NDST4: variants seen among roughly 807,000 people sequenced by gnomAD.
The protein encoded by NDST4 is N-heparan sulfate sulfotransferase 4.
Under a neutral mutation model 100.8 loss-of-function variants are expected in NDST4, and 63 were observed. The observed-to-expected ratio is 0.62, with a 90% confidence interval of 0.51 to 0.77. The LOEUF (loss-of-function observed/expected upper bound fraction) is 0.77. Ranked by LOEUF, NDST4 falls within the 30% of genes least tolerant of loss-of-function variation. NDST4 has a pLI of 0.00. For missense variants in NDST4, 943 were observed against 1,018.4 expected (o/e 0.93, Z 1.01); for synonymous variants, 377 against 361.8 (o/e 1.04, Z -0.48).
At chr4:114,874,917 C>T (rs1724226495) in intron 6 of NDST4, among the ~76,000 whole-genome samples, 1 of 152,028 alleles carries the variant, frequency 6.6e-6, no homozygotes, top group Admixed American at 6.6e-5. Flanking sequence ...CAACAGTGTA[C>T]TCCCAAAAGT....
chr4:114,988,549 G>A (rs1352906092), intron 2 of NDST4, among the ~76,000 whole-genome samples: 2 of 151,414 alleles, frequency 1.3e-5, no homozygotes, highest in Admixed American at 1.3e-4. Flanking sequence ...TTTTAGTAGA[G>A]ATGGGGTTTC....
chr4:114,981,802 T>C (rs1387674275), intron 2 of NDST4, among the ~76,000 whole-genome samples: 3 of 152,206 alleles, frequency 2.0e-5, no homozygotes, highest in Non-Finnish European at 2.9e-5. Context: ...TAATAAGTCA[T>C]GTGCATATTC....
chr4:114,995,320 T>C (rs945673599), intron 2 of NDST4, among the ~76,000 whole-genome samples: 6 of 152,090 alleles, frequency 3.9e-5, no homozygotes, highest in South Asian at 2.1e-4. Context: ...ATATTCTTAT[T>C]TGAATTAAGA....
In NDST4 at chr4:115,074,954, T is replaced by G. The variant is rs560880570; in HGVS notation, c.978+1105A>C. Among the ~76,000 whole-genome samples, 11 of 152,264 alleles carry G rather than the reference T, an allele frequency of 7.2e-5. No homozygotes were observed. The East Asian group carries it at 1.4e-3, about 19-fold the overall frequency. On this transcript the variant is annotated intron_variant, in intron 2 of 13. Coordinates refer to ENST00000264363, the MANE Select transcript of NDST4 (RefSeq NM_022569.3). ...ATACATAGGATGAGACAGTCACAAG[T>G]AAAAGATCAGGTGAGAGTACTGCAT...
chr4:114,971,469 T>TA (rs932055002), intron 3 of NDST4, among the ~76,000 whole-genome samples: 4 of 152,092 alleles, frequency 2.6e-5, no homozygotes, highest in Admixed American at 6.5e-5. Flanking sequence ...AATGAAATGA[T>TA]AGAGTTTTCG....
chr4:114,857,081 C>T (rs893668166), intron 7 of NDST4, among the ~76,000 whole-genome samples: 1 of 152,106 alleles, frequency 6.6e-6, no homozygotes, highest in Admixed American at 6.6e-5. Context: ...GCTTTATATG[C>T]TGGAAGATTC....
At chr4:114,852,580 G>A in intron 8 of NDST4, 145 bp downstream of exon 8, 2 of 560,806 alleles carry the variant, frequency 3.6e-6, no homozygotes, top group South Asian at 4.9e-5. Context: ...GCGAATCATG[G>A]AGATGACAAG....
intron 4 of NDST4, among the ~76,000 whole-genome samples, chr4:114,953,079 A>G (rs1726058125): frequency 7.0e-6 from 1 of 143,848 alleles, no homozygotes; most frequent in Non-Finnish European, 1.5e-5. Flanking sequence ...CCCAGAGACC[A>G]TCAGCTCTTA....
chr4:114,961,816 G>C (rs1045245637), intron 4 of NDST4, among the ~76,000 whole-genome samples: 2 of 151,968 alleles, frequency 1.3e-5, no homozygotes, highest in Non-Finnish European at 2.9e-5. Context: ...GAAGAGCAAA[G>C]AATATTTCTC....
intron 12 of NDST4, among the ~76,000 whole-genome samples, chr4:114,830,895 G>T (rs940472930): frequency 2.6e-5 from 4 of 152,140 alleles, no homozygotes; most frequent in African/African-American, 9.7e-5. Context: ...ATTCATTTAG[G>T]GGGAGAGGGA....
chr4:114,830,726 C>T (rs1052224183), intron 12 of NDST4, among the ~76,000 whole-genome samples: 5 of 152,178 alleles, frequency 3.3e-5, no homozygotes, highest in African/African-American at 1.2e-4. Flanking sequence ...ATGCATAAAA[C>T]ATCGAAAAGG....
intron 6 of NDST4, among the ~76,000 whole-genome samples, chr4:114,874,465 CGCCA>C (rs1266645997): frequency 6.6e-6 from 1 of 152,182 alleles, no homozygotes; most frequent in African/African-American, 2.4e-5. Flanking sequence ...AAAACAAGCA[CGCCA>C]TCCATATTGG....
intron 6 of NDST4, among the ~76,000 whole-genome samples, chr4:114,879,945 T>A (rs943249919): frequency 3.9e-5 from 6 of 152,200 alleles, no homozygotes; most frequent in African/African-American, 1.4e-4. Flanking sequence ...TTTACCAGTG[T>A]CCCAGTTTTT....
intron 8 of NDST4, among the ~76,000 whole-genome samples, chr4:114,851,430 T>C (rs997952711): frequency 2.0e-4 from 30 of 152,228 alleles, no homozygotes; most frequent in African/African-American, 7.0e-4. Flanking sequence ...AAATGCTTTA[T>C]CATTTCCATA....
chr4:114,964,964 G>GT (rs35971842), intron 4 of NDST4, among the ~76,000 whole-genome samples: 2 of 151,206 alleles, frequency 1.3e-5, no homozygotes, highest in African/African-American at 4.8e-5. Flanking sequence ...GTGCTTCAGG[G>GT]TTTTTTATTA....
chr4:114,829,987 C>A (rs775973816), intron 12 of NDST4, 95 bp from the exon 13 acceptor site: 64 of 808,940 alleles, frequency 7.9e-5, no homozygotes, highest in Admixed American at 1.1e-4. Context: ...TTTTTGTATG[C>A]CCACTGATTT....
At chr4:114,923,123 A>C (rs1301010925) in intron 6 of NDST4, among the ~76,000 whole-genome samples, 5 of 152,234 alleles carry the variant, frequency 3.3e-5, no homozygotes, top group Admixed American at 6.5e-5. Context: ...ATGGAACTCC[A>C]GGTCACCATT....
intron 8 of NDST4, among the ~76,000 whole-genome samples, chr4:114,850,008 A>G (rs2126187876): frequency 6.6e-6 from 1 of 152,372 alleles, no homozygotes; most frequent in Non-Finnish European, 1.5e-5. Context: ...AATTAGCAAT[A>G]GAGTAGAAAC....
At chr4:115,083,847 A>G (rs1438007067) in intron 1 of NDST4, among the ~76,000 whole-genome samples, 1 of 152,108 alleles carries the variant, frequency 6.6e-6, no homozygotes, top group Non-Finnish European at 1.5e-5. Flanking sequence ...AGCCATGAGG[A>G]ACTGCGAGTC....
Sources: gnomAD v4.1 joint callset for allele counts (sites outside exome capture counted in the v4.1 genomes callset) on GRCh38, gnomAD v4.1.1 for gene constraint, MANE v1.5 for transcripts, NCBI Gene and HGNC (gene_info 2026-07-23, HGNC 2026-07-21) for gene names.